TTLL6: variants seen among roughly 807,000 people sequenced by gnomAD.
TTLL6 encodes tubulin tyrosine ligase like 6.
In TTLL6, 75 loss-of-function variants were observed where a neutral mutation model predicts 96.4. That is an observed-to-expected ratio of 0.78 (90% CI 0.65 to 0.94). The LOEUF is 0.94. TTLL6 is among the 40% of genes least tolerant of loss of function. The probability of loss-of-function intolerance (pLI) is 0.00; values close to 1 mark genes in which losing one functional copy is unlikely to be tolerated. For synonymous variants in TTLL6, 411 were observed against 419.4 expected (o/e 0.98, Z 0.24); for missense variants, 1,030 against 1,093.0 (o/e 0.94, Z 0.81).
In TTLL6 at chr17:48,767,133, G is replaced by GGGTTC. The variant is rs1224542283; in HGVS notation, c.*1855_*1856insGAACC. ...TTGGCTAGGCTGTTCTCAAACTCCT[G>GGGTTC]ACCTAGTGATCTGCCCACCTCGGCC... On this transcript the variant is annotated intron_variant, in intron 15 of 15. Transcript: ENST00000393382. Among the ~76,000 whole-genome samples the GGGTTC allele has an allele frequency of 2.0e-5, 3 of 152,056 alleles. No homozygotes were observed. In the East Asian group the frequency reaches 5.8e-4, roughly 29 times the overall value.
intron 10 of TTLL6, 146 bp downstream of exon 10, chr17:48,789,785 G>A: frequency 2.7e-6 from 2 of 754,704 alleles, no homozygotes; most frequent in Middle Eastern, 4.1e-4. Context: ...TCGAACTCCT[G>A]ACCTCAGGTG....
At chr17:48,810,959 T>C (rs2039582339) in intron 1 of TTLL6, among the ~76,000 whole-genome samples, 1 of 149,158 alleles carries the variant, frequency 6.7e-6, no homozygotes, top group Admixed American at 6.7e-5. Context: ...CAACCAGAGC[T>C]CAGTAATGCC....
At chr17:48,803,621 C>T (rs1323222405) in intron 3 of TTLL6, among the ~76,000 whole-genome samples, 1 of 152,164 alleles carries the variant, frequency 6.6e-6, no homozygotes, top group African/African-American at 2.4e-5. Context: ...GCTGCAGCAA[C>T]AGCTGTCTCT....
intron 14 of TTLL6, 141 bp from the exon 15 acceptor site, chr17:48,769,395 C>T: frequency 9.3e-7 from 1 of 1,070,762 alleles, no homozygotes; most frequent in Non-Finnish European, 1.3e-6. Context: ...GCCATTGCTC[C>T]TTTTCTCCAA....
chr17:48,784,289 C>T (rs2039045842), intron 13 of TTLL6, among the ~76,000 whole-genome samples: 5 of 151,526 alleles, frequency 3.3e-5, no homozygotes, highest in Admixed American at 3.3e-4. Flanking sequence ...CCTGCAGTCC[C>T]AGCTACTTGG....
At chr17:48,772,174 G>C (rs182760026) in intron 13 of TTLL6, among the ~76,000 whole-genome samples, 15 of 152,016 alleles carry the variant, frequency 9.9e-5, no homozygotes, top group African/African-American at 3.6e-4. Context: ...CCACACTCGA[G>C]AGAAAAAAGT....
Position 48,788,001 on chromosome 17 carries a change from T to C in TTLL6, c.1401-2A>G, listed in dbSNP as rs1421696475. ...CGGAAACCCTTGGCTTCCTCAATCC[T>C]GTTGGGAAGCAGAACATGGGGCTGC... On this transcript the variant is annotated splice_acceptor_variant, in intron 10 of 15. Transcript: ENST00000393382. LOFTEE classifies it high-confidence loss of function. 3 of 1,612,548 alleles carry C rather than the reference T, an allele frequency of 1.9e-6. No homozygotes were observed. The highest frequency in any genetic ancestry group is 2.7e-5 in the African/African-American group (2 of 74,862).
chr17:48,797,205 C>A lies in TTLL6; in HGVS notation c.769-1G>T. On this transcript the variant is annotated splice_acceptor_variant, in intron 6 of 15. Transcript: ENST00000393382. LOFTEE classifies it high-confidence loss of function. Reference sequence around the variant, plus strand: ...ACTTAAACCCATCAATGATAAAGGGCTGGAAGGAGAGAACAGAAGTCAGAC... The same window carrying A: ...ACTTAAACCCATCAATGATAAAGGGATGGAAGGAGAGAACAGAAGTCAGAC... The A allele has an allele frequency of 6.5e-7, 1 of 1,547,488 alleles. No homozygotes were observed. Among genetic ancestry groups the A allele is most frequent in the Non-Finnish European group, 8.7e-7 (1 of 1,144,406 alleles).
intron 1 of TTLL6, among the ~76,000 whole-genome samples, chr17:48,812,603 T>C (rs1403113700): frequency 6.6e-6 from 1 of 152,188 alleles, no homozygotes; most frequent in African/African-American, 2.4e-5. Flanking sequence ...GCCTGGCACA[T>C]AGAAGGTACC....
chr17:48,795,251 G>A (rs963034684), intron 8 of TTLL6, among the ~76,000 whole-genome samples: 5 of 151,554 alleles, frequency 3.3e-5, no homozygotes, highest in African/African-American at 9.7e-5. Context: ...GCTTTAACCC[G>A]GGAGGCAGAG....
chr17:48,809,649 A>T (rs1324792467), intron 1 of TTLL6, among the ~76,000 whole-genome samples: 16 of 152,020 alleles, frequency 1.1e-4, no homozygotes, highest in Non-Finnish European at 4.4e-5. Context: ...GCTTGAGCCC[A>T]GGAGTTCAAA....
At chr17:48,791,723 C>T (rs1245764641) in intron 8 of TTLL6, 120 bp from the exon 9 acceptor site, 18 of 795,908 alleles carry the variant, frequency 2.3e-5, no homozygotes, top group South Asian at 2.2e-4. Context: ...CGAGGATGAA[C>T]GCCCAGGAAC....
chr17:48,787,822 C>T lies in TTLL6; in HGVS notation c.1578G>A (p.Glu526=), dbSNP rs773913129. ...GGATGTCTTCCTACCGGGCATACTC[C>T]TCCCGAGCCCTGGAAGCAACAGTAT... ...FQNTVASRAR[E]EYARQLIQEL... The change falls in exon 11 of 16, where the codon GAG becomes GAA. Residue 526 remains glutamate (E), a synonymous_variant. Transcript: ENST00000393382. 6.2e-7 allele frequency: 1 copy of T among 1,614,016 alleles called. No individual in the cohort carries two copies. Among genetic ancestry groups the T allele is most frequent in the South Asian group, 1.1e-5 (1 of 91,038 alleles).
At chr17:48,808,817 C>T (rs530004092) in intron 1 of TTLL6, among the ~76,000 whole-genome samples, 2 of 152,086 alleles carry the variant, frequency 1.3e-5, no homozygotes, top group East Asian at 1.9e-4. Flanking sequence ...ACGATCTGCC[C>T]GCCTCGGCCT....
intron 3 of TTLL6, among the ~76,000 whole-genome samples, chr17:48,802,932 C>T (rs1239568043): frequency 1.3e-5 from 2 of 151,732 alleles, no homozygotes; most frequent in East Asian, 1.9e-4. Flanking sequence ...CACTCTGGGA[C>T]GCTGAGGCGG....
intron 1 of TTLL6, among the ~76,000 whole-genome samples, chr17:48,811,299 A>T (rs1218663656): frequency 1.3e-5 from 2 of 151,740 alleles, no homozygotes; most frequent in African/African-American, 2.4e-5. Context: ...CAAACTCCTG[A>T]CCTCAGGTGA....
chr17:48,789,728 T>C (rs2039180881), intron 10 of TTLL6, among the ~76,000 whole-genome samples: 2 of 152,094 alleles, frequency 1.3e-5, no homozygotes, highest in Non-Finnish European at 1.5e-5. Flanking sequence ...CTAATTTTTT[T>C]GTATTTTTAG....
chr17:48,780,008 G>A (rs556611704), intron 13 of TTLL6, among the ~76,000 whole-genome samples: 1 of 151,714 alleles, frequency 6.6e-6, no homozygotes, highest in South Asian at 2.1e-4. Flanking sequence ...TAGCATGTAG[G>A]TTATAGGGTA....
chr17:48,802,733 T>C (rs1284382598), intron 3 of TTLL6, among the ~76,000 whole-genome samples: 1 of 152,190 alleles, frequency 6.6e-6, no homozygotes, highest in African/African-American at 2.4e-5. Context: ...TATCTGGGCA[T>C]GGTGGTGTGC....
Sources: gnomAD v4.1 joint callset for allele counts (sites outside exome capture counted in the v4.1 genomes callset) on GRCh38, gnomAD v4.1.1 for gene constraint, MANE v1.5 for transcripts, NCBI Gene and HGNC (gene_info 2026-07-23, HGNC 2026-07-21) for gene names.